ASCC1: variants seen among roughly 807,000 people sequenced by gnomAD.
The protein encoded by ASCC1 is ASC-1 complex subunit P50.
ASCC1 carries 35 observed loss-of-function variants against 46.6 expected under a neutral mutation model. That is an observed-to-expected ratio of 0.75 (90% CI 0.57 to 0.99). The LOEUF (loss-of-function observed/expected upper bound fraction) is 0.99. Among genes scored for constraint, ASCC1 ranks in the 50% least tolerant of loss-of-function variants. The pLI is 0.00. For synonymous variants in ASCC1, 143 were observed against 146.6 expected (o/e 0.98, Z 0.18); for missense variants, 376 against 428.7 (o/e 0.88, Z 1.09).
intron 3 of ASCC1, 61 bp downstream of exon 3, chr10:72,210,671 C>A: frequency 2.9e-6 from 4 of 1,378,874 alleles, no homozygotes; most frequent in Non-Finnish European, 4.1e-6. Flanking sequence ...ACCAAAGGGT[C>A]CACTTCCCGC....
intron 5 of ASCC1, among the ~76,000 whole-genome samples, chr10:72,183,065 CAG>C: frequency 7.3e-6 from 1 of 137,748 alleles, no homozygotes; most frequent in Admixed American, 7.7e-5. Flanking sequence ...TTTTTTGAGA[CAG>C]AGTCTCACTC....
At chr10:72,149,382 A>C (rs148298844) in intron 7 of ASCC1, among the ~76,000 whole-genome samples, 5 of 145,808 alleles carry the variant, frequency 3.4e-5, no homozygotes, top group Non-Finnish European at 7.4e-5. Context: ...AGCTTGCAGT[A>C]AGCCTAGATC....
chr10:72,167,681 A>G (rs1211555555), intron 5 of ASCC1, among the ~76,000 whole-genome samples: 1 of 149,910 alleles, frequency 6.7e-6, no homozygotes, highest in Non-Finnish European at 1.5e-5. Context: ...TCTGTCACCC[A>G]AGCTGGGGTG....
Position 72,204,295 on chromosome 10 carries a change from A to G in ASCC1, c.213-771T>C, listed in dbSNP as rs536337590. On this transcript the variant is annotated intron_variant, in intron 3 of 9. Transcript: ENST00000672957. ...AATTTTTTTCAATAGAAAAATTAGAATATCTGAGGACTCATGGCAACAGCG... is the reference window on the plus strand; with the variant it reads ...AATTTTTTTCAATAGAAAAATTAGAGTATCTGAGGACTCATGGCAACAGCG... 1.6e-3 allele frequency: 1,665 copies of G among 1,036,210 alleles called. 2 individuals are homozygous for G. The highest frequency in any genetic ancestry group is 2.2e-3 in the Non-Finnish European group (1,575 of 720,286). The allele number at this position is 1,036,210 out of a possible 1,614,324, so 64.2% of individuals were successfully genotyped here. A position where few individuals can be genotyped will look rare whatever the true frequency, so the allele number is the denominator to read the frequency against.
At chr10:72,100,882 T>TC (rs1305715805) in intron 9 of ASCC1, among the ~76,000 whole-genome samples, 6 of 152,270 alleles carry the variant, frequency 3.9e-5, no homozygotes, top group African/African-American at 1.2e-4. Flanking sequence ...TCCATGTACA[T>TC]CCCCAAGTCT....
intron 5 of ASCC1, among the ~76,000 whole-genome samples, chr10:72,163,632 G>A (rs1299391046): frequency 1.3e-5 from 2 of 151,924 alleles, no homozygotes; most frequent in African/African-American, 4.8e-5. Flanking sequence ...CTACTACGGA[G>A]GCTGAGGCAG....
chr10:72,103,424 G>A (rs1333547288), intron 9 of ASCC1, among the ~76,000 whole-genome samples: 9 of 151,976 alleles, frequency 5.9e-5, no homozygotes, highest in African/African-American at 9.7e-5. Flanking sequence ...GAGCCACCGC[G>A]CCCGGCCAAT....
chr10:72,146,485 G>A (rs1171132024), intron 7 of ASCC1, among the ~76,000 whole-genome samples: 1 of 152,184 alleles, frequency 6.6e-6, no homozygotes. Context: ...ATAGGAAAAG[G>A]AGGAAGTTGA....
At chr10:72,137,614 T>G (rs1244987720) in intron 7 of ASCC1, among the ~76,000 whole-genome samples, 1 of 151,966 alleles carries the variant, frequency 6.6e-6, no homozygotes, top group Middle Eastern at 3.2e-3. Context: ...GATGTTGTGC[T>G]TCCTTATATA....
intron 5 of ASCC1, among the ~76,000 whole-genome samples, chr10:72,168,113 C>A (rs1446097260): frequency 6.6e-6 from 1 of 152,122 alleles, no homozygotes; most frequent in African/African-American, 2.4e-5. Context: ...ATTGCTTGAA[C>A]CTGGGAGGTG....
At chr10:72,191,711 A>C (rs1473844657) in intron 5 of ASCC1, among the ~76,000 whole-genome samples, 1 of 151,978 alleles carries the variant, frequency 6.6e-6, no homozygotes, top group Non-Finnish European at 1.5e-5. Flanking sequence ...CAATGGCGTG[A>C]TCTCGGCTCA....
intron 5 of ASCC1, among the ~76,000 whole-genome samples, chr10:72,174,871 CA>C (rs1851674808): frequency 6.6e-6 from 1 of 152,180 alleles, no homozygotes; most frequent in Admixed American, 6.5e-5. Flanking sequence ...AAAGGACCTA[CA>C]AACTTTTTAC....
intron 8 of ASCC1, among the ~76,000 whole-genome samples, chr10:72,132,376 C>T (rs1030755233): frequency 6.6e-6 from 1 of 152,158 alleles, no homozygotes; most frequent in Non-Finnish European, 1.5e-5. Flanking sequence ...AAGAAAACTT[C>T]TTTTTGAAAT....
chr10:72,129,115 A>G (rs917474980), intron 8 of ASCC1, among the ~76,000 whole-genome samples: 1 of 152,232 alleles, frequency 6.6e-6, no homozygotes, highest in African/African-American at 2.4e-5. Flanking sequence ...AATACATTTC[A>G]GCTAGCCCAC....
At chr10:72,112,492 G>T (rs1264295491) in intron 9 of ASCC1, among the ~76,000 whole-genome samples, 1 of 152,114 alleles carries the variant, frequency 6.6e-6, no homozygotes, top group Non-Finnish European at 1.5e-5. Flanking sequence ...GGATAGTGAT[G>T]ATGGTCGCGT....
rs769522034 is a variant in ASCC1 at position 72,210,794 on chromosome 10, G to A, written c.150C>T (p.Tyr50=). ...ATCCTTGTGGGGTCTGCTCCACCTC[G>A]TAGGCATCACAGGGCTCATCAGCAC... is the stretch of plus-strand genomic sequence containing the variant. ...MECADEPCDA[Y]EVEQTPQGFR... Residue 50 remains tyrosine (Y), a synonymous_variant, in exon 3 of 10, where the codon TAC becomes TAT. Coordinates refer to ENST00000672957, the MANE Select transcript of ASCC1 (RefSeq NM_001198800.3). 21 of 1,613,968 alleles carry A rather than the reference G, an allele frequency of 1.3e-5. No individual in the cohort carries two copies. The highest frequency in any genetic ancestry group is 2.7e-5 in the African/African-American group (2 of 74,984).
At chr10:72,166,683 T>A (rs983600560) in intron 5 of ASCC1, among the ~76,000 whole-genome samples, 1 of 151,944 alleles carries the variant, frequency 6.6e-6, no homozygotes, top group Non-Finnish European at 1.5e-5. Context: ...GAGAAAAACA[T>A]TTGCAAATCC....
At chr10:72,190,490 G>C (rs1854255322) in intron 5 of ASCC1, 1 of 1,597,684 alleles carries the variant, frequency 6.3e-7, no homozygotes, top group South Asian at 1.1e-5. Flanking sequence ...CCTTGGAAAG[G>C]GCCATAAGTT....
chr10:72,138,763 G>A lies in ASCC1; in HGVS notation c.747-5582C>T, dbSNP rs192027387. Among the ~76,000 whole-genome samples, 342 of 152,132 alleles carry A rather than the reference G, an allele frequency of 2.2e-3. 2 individuals are homozygous for A. The highest frequency in any genetic ancestry group is 3.6e-3 in the Non-Finnish European group (247 of 68,010). On this transcript the variant is annotated intron_variant, in intron 7 of 9. Coordinates refer to ENST00000672957, the MANE Select transcript of ASCC1 (RefSeq NM_001198800.3). ...ATTTTTGTGTTTTTAGCAGAGATGGGGTTTTGCCATGTTGGGCAGGCTGAT... is the reference window on the plus strand; with the variant it reads ...ATTTTTGTGTTTTTAGCAGAGATGGAGTTTTGCCATGTTGGGCAGGCTGAT...
Sources: allele counts gnomAD v4.1 joint callset (sites outside exome capture counted in the v4.1 genomes callset), GRCh38; gene constraint gnomAD v4.1.1; transcripts MANE v1.5; gene names NCBI Gene and HGNC (gene_info 2026-07-23, HGNC 2026-07-21).